Variants in SLC14A2 observed in about 807,000 individuals in gnomAD.
SLC14A2 encodes the protein urea transporter 2.
Under a neutral mutation model 104.6 loss-of-function variants are expected in SLC14A2, and 91 were observed. The observed-to-expected ratio is 0.87, with a 90% CI of 0.73 to 1.04. The LOEUF (loss-of-function observed/expected upper bound fraction) is 1.04, where lower values mean the gene tolerates loss of function less well. Ranked by LOEUF, SLC14A2 falls within the 50% of genes least tolerant of loss-of-function variation. The pLI is 0.00. For synonymous variants in SLC14A2, 476 were observed against 466.4 expected (o/e 1.02, Z -0.27); for missense variants, 1,189 against 1,156.0 (o/e 1.03, Z -0.41).
the SLC14A2 span, among the ~76,000 whole-genome samples, chr18:45,198,923 GTTTC>G: frequency 1.3e-5 from 2 of 151,986 alleles, no homozygotes; most frequent in African/African-American, 4.8e-5. Context: ...ACAATACCTA[GTTTC>G]TTTGTGCACC....
chr18:45,237,244 C>T (rs1371107552), intron 1 of SLC14A2, among the ~76,000 whole-genome samples: 4 of 152,166 alleles, frequency 2.6e-5, no homozygotes, highest in Non-Finnish European at 5.9e-5. Flanking sequence ...AAAATTAGCC[C>T]ATTTGACAGA....
At position 45,625,722 on chromosome 18, in the gene SLC14A2, A is replaced by T. The variant is rs1307856034; in HGVS notation, c.190A>T (p.Ile64Phe). The T allele has an allele frequency of 1.5e-5, 24 of 1,563,636 alleles. No homozygotes were observed. Among genetic ancestry groups the T allele is most frequent in the Non-Finnish European group, 2.1e-5 (24 of 1,160,252 alleles). Residue 64 changes from isoleucine (I) to phenylalanine (F), a missense_variant, in exon 3 of 20, where the codon ATC (isoleucine) becomes TTC (phenylalanine). Ile to Phe is a conservative substitution (Grantham distance 21). Coordinates refer to ENST00000255226, the MANE Select transcript of SLC14A2 (RefSeq NM_007163.4). ...CAATGAAGACAGTCACATTGTGAAG[A>T]TCGAAAAGCTCAATGAAAGGAGTAA... is the stretch of plus-strand genomic sequence containing the variant. Reference protein sequence around the residue: ...SSNEDSHIVKIEKLNERSKRK... With the variant: ...SSNEDSHIVKFEKLNERSKRK...
At chr18:45,302,113 A>T (rs2084974325) in intron 1 of SLC14A2, among the ~76,000 whole-genome samples, 1 of 152,176 alleles carries the variant, frequency 6.6e-6, no homozygotes, top group Non-Finnish European at 1.5e-5. Flanking sequence ...CTCATCATTT[A>T]TACTGGAAAC....
intron 14 of SLC14A2, among the ~76,000 whole-genome samples, 157 bp from the exon 15 acceptor site, chr18:45,668,192 G>T (rs2046063253): frequency 1.3e-5 from 2 of 152,190 alleles, no homozygotes; most frequent in African/African-American, 4.8e-5. Flanking sequence ...GAAATATGAA[G>T]GATTCATAGG....
At chr18:45,520,948 C>T (rs1251571340) in intron 2 of SLC14A2, among the ~76,000 whole-genome samples, 1 of 152,224 alleles carries the variant, frequency 6.6e-6, no homozygotes, top group South Asian at 2.1e-4. Flanking sequence ...GGGTGCTTCC[C>T]CAGCAGTGGG....
At chr18:45,566,544 C>T (rs568605222) in intron 2 of SLC14A2, among the ~76,000 whole-genome samples, 243 of 129,364 alleles carry the variant, frequency 1.9e-3, no homozygotes, top group African/African-American at 6.2e-3. Flanking sequence ...CACACACACA[C>T]ACAGTGTCCA....
intron 1 of SLC14A2, among the ~76,000 whole-genome samples, chr18:45,220,289 G>T (rs1381543166): frequency 1.3e-5 from 2 of 152,178 alleles, no homozygotes; most frequent in Non-Finnish European, 2.9e-5. Flanking sequence ...GGTTTATCTT[G>T]CAGGAGAGTC....
chr18:45,308,612 C>G (rs563767360), intron 1 of SLC14A2, among the ~76,000 whole-genome samples: 1 of 152,174 alleles, frequency 6.6e-6, no homozygotes, highest in Non-Finnish European at 1.5e-5. Context: ...TGCCTGTGTC[C>G]TGGCATCTGG....
chr18:45,380,851 C>G (rs1312341114), intron 1 of SLC14A2, among the ~76,000 whole-genome samples: 1 of 152,200 alleles, frequency 6.6e-6, no homozygotes, highest in Non-Finnish European at 1.5e-5. Flanking sequence ...ACTTGTTGAC[C>G]TTGAATCTCA....
rs1476522481 is a variant in SLC14A2 at position 45,605,421 on chromosome 18, C to T, written c.-34-19210C>T. Among the ~76,000 whole-genome samples the T allele has an allele frequency of 1.3e-5, 2 of 152,102 alleles. 1 individual carries two copies. Among genetic ancestry groups the T allele is most frequent in the East Asian group, 3.9e-4 (2 of 5,190 alleles). The stretch of plus-strand genomic sequence containing the variant: ...GGTGAAGATGCCCACTGACACAAAT[C>T]AGACTTTATGTTCTGCCAGGACTTT... On this transcript the variant is annotated intron_variant, in intron 2 of 20. Coordinates refer to the SLC14A2 transcript ENST00000586448.
At chr18:45,679,094 G>T in intron 19 of SLC14A2, 70 bp downstream of exon 19, 1 of 1,406,186 alleles carries the variant, frequency 7.1e-7, no homozygotes, top group South Asian at 1.2e-5. Context: ...CCCCAAACCT[G>T]CTGAAAACCT....
chr18:45,560,591 GGAA>G (rs1177123881), intron 2 of SLC14A2, among the ~76,000 whole-genome samples: 1 of 152,068 alleles, frequency 6.6e-6, no homozygotes, highest in Non-Finnish European at 1.5e-5. Context: ...GCATTCTAAG[GGAA>G]CTTATATGAA....
chr18:45,405,458 T>C (rs2086143477), intron 1 of SLC14A2, among the ~76,000 whole-genome samples: 1 of 152,130 alleles, frequency 6.6e-6, no homozygotes. Flanking sequence ...AAAGTGAGTA[T>C]CACATTAAAG....
chr18:45,504,665 A>T (rs1437968918), intron 2 of SLC14A2, among the ~76,000 whole-genome samples: 2 of 152,378 alleles, frequency 1.3e-5, no homozygotes, highest in East Asian at 1.9e-4. Context: ...TGAGTTACAC[A>T]TCTTGCATTA....
rs1307904912 is a variant in SLC14A2 at position 45,418,346 on chromosome 18, T to A, written c.-124-64887T>A. 3.9e-5 allele frequency among the ~76,000 whole-genome samples: 6 copies of A among 152,168 alleles called. No homozygotes were observed. In the South Asian group the frequency reaches 1.2e-3, roughly 32 times the overall value. On this transcript the variant is annotated intron_variant, in intron 1 of 20. Transcript: ENST00000586448. ...AGTGGCACAGAAGTGCCACTAGAGG[T>A]GGCAGCCATCTCTGGCATTGTCATA... is the stretch of plus-strand genomic sequence containing the variant.
At chr18:45,324,930 T>A (rs2085219945) in intron 1 of SLC14A2, among the ~76,000 whole-genome samples, 1 of 152,192 alleles carries the variant, frequency 6.6e-6, no homozygotes, top group Non-Finnish European at 1.5e-5. Flanking sequence ...GGGGAATTGT[T>A]GGCGGGACCT....
intron 1 of SLC14A2, among the ~76,000 whole-genome samples, chr18:45,378,910 C>T (rs570084187): frequency 1.3e-5 from 2 of 152,176 alleles, no homozygotes; most frequent in South Asian, 2.1e-4. Flanking sequence ...CGCTCCTGGT[C>T]GCTCAATGCA....
At chr18:45,426,623 T>C (rs1024870655) in intron 1 of SLC14A2, among the ~76,000 whole-genome samples, 3 of 148,556 alleles carry the variant, frequency 2.0e-5, no homozygotes, top group African/African-American at 7.4e-5. Flanking sequence ...TATATACACA[T>C]ATATATACTA....
At chr18:45,599,900 G>A (rs553269860) in intron 2 of SLC14A2, among the ~76,000 whole-genome samples, 8 of 152,134 alleles carry the variant, frequency 5.3e-5, no homozygotes, top group African/African-American at 1.7e-4. Context: ...ATCAGATCTC[G>A]TGAGACTTAT....
Sources: gnomAD v4.1 joint callset for allele counts (sites outside exome capture counted in the v4.1 genomes callset) on GRCh38, gnomAD v4.1.1 for gene constraint, MANE v1.5 for transcripts, NCBI Gene and HGNC (gene_info 2026-07-23, HGNC 2026-07-21) for gene names.